DNAH1: variants seen among roughly 807,000 people sequenced by gnomAD.
DNAH1 encodes the protein dynein axonemal heavy chain 1.
DNAH1 carries 327 observed loss-of-function variants against 484.3 expected under a neutral mutation model. The ratio of observed to expected loss-of-function variants is 0.68; its 90% CI spans 0.62 to 0.74. The LOEUF is 0.74. Among genes scored for constraint, DNAH1 ranks in the 30% least tolerant of loss-of-function variants. The pLI, the probability that DNAH1 is intolerant of heterozygous loss-of-function variation, is 0.00. For synonymous variants in DNAH1, 2,192 were observed against 2,191.9 expected (o/e 1.00, Z 0.00); for missense variants, 5,052 against 5,546.8 (o/e 0.91, Z 2.83).
In DNAH1 at chr3:52,397,750, C is replaced by T; in HGVS notation, c.11831C>T (p.Pro3944Leu). 1 of 1,613,640 alleles carries T rather than the reference C, an allele frequency of 6.2e-7. No individual in the cohort carries two copies. The highest frequency in any genetic ancestry group is 8.5e-7 in the Non-Finnish European group (1 of 1,179,642). Reference protein sequence around the residue: ...YIKSLPLNDMPEIFGLHDNAN... With the variant: ...YIKSLPLNDMLEIFGLHDNAN... ...AAGAGCCTCCCACTCAATGATATGC[C>T]TGAGATCTTTGGCCTGCATGACAAT... Residue 3944 changes from proline to leucine, a missense_variant, in exon 74 of 78, where the codon CCT becomes CTT. By Grantham distance (98) the Pro-to-Leu change is moderately conservative. Transcript: ENST00000420323.
chr3:52,347,786 TA>T (rs1559510273), intron 11 of DNAH1, 37 bp from the exon 12 acceptor site: 5 of 1,530,122 alleles, frequency 3.3e-6, no homozygotes, highest in South Asian at 1.3e-5. Flanking sequence ...ACAGGCCTCC[TA>T]GGCCTCTGCC....
chr3:52,357,765 C>G, intron 23 of DNAH1, 30 bp downstream of exon 23: 1 of 1,572,122 alleles, frequency 6.4e-7, no homozygotes, highest in Non-Finnish European at 8.6e-7. Flanking sequence ...GCCCACTCCG[C>G]CACTGTCTGC....
In DNAH1 at chr3:52,381,547, C is replaced by G; in HGVS notation, c.7609-93C>G. 7.9e-7 allele frequency: 1 copy of G among 1,262,634 alleles called. No homozygotes were observed. The highest frequency in any genetic ancestry group is 1.1e-6 in the Non-Finnish European group (1 of 916,196). The allele number at this position is 1,262,634 out of a possible 1,614,324, so 78.2% of individuals were successfully genotyped here. On this transcript the variant is annotated intron_variant, in intron 48 of 77. Coordinates refer to ENST00000420323, the MANE Select transcript of DNAH1 (RefSeq NM_015512.5). The surrounding 1 kb of genome is among the most constrained non-coding windows in gnomAD (Gnocchi z 4.1). ...GGTCAAGGCACCTGTGCTTCTCAGT[C>G]AGGACAGAGAAGAAAGCGGGTGGGT...
In DNAH1 at chr3:52,352,658, C is replaced by T. The variant is rs772634065; in HGVS notation, c.2978C>T (p.Ala993Val). The T allele has an allele frequency of 6.2e-7, 1 of 1,613,216 alleles. No homozygotes were observed. The highest frequency in any genetic ancestry group is 1.1e-5 in the South Asian group (1 of 91,036). The stretch of plus-strand genomic sequence containing the variant: ...CAGCTGAAGGACTGCCAGCAGCTGG[C>T]CATGCTCTACAACAACCGCGAGCGC... Reference protein sequence around the residue: ...KKQLKDCQQLAMLYNNRERIF... With the variant: ...KKQLKDCQQLVMLYNNRERIF... The change falls in exon 18 of 78, where the codon GCC becomes GTC. Residue 993 changes from alanine to valine, a missense_variant. Coordinates refer to ENST00000420323, the MANE Select transcript of DNAH1 (RefSeq NM_015512.5).
chr3:52,377,550 C>T (rs553139832), intron 46 of DNAH1, among the ~76,000 whole-genome samples: 26 of 152,092 alleles, frequency 1.7e-4, no homozygotes, highest in Non-Finnish European at 3.1e-4. Flanking sequence ...GGCAAGAGCC[C>T]GGGTCTTGAC....
intron 1 of DNAH1, among the ~76,000 whole-genome samples, chr3:52,321,104 C>CTTTCTTT (rs1158135103): frequency 1.4e-5 from 2 of 146,142 alleles, no homozygotes. Context: ...CTGGCCATTT[C>CTTTCTTT]TTTCTTTTTT....
At chr3:52,373,785 A>G (rs1578166159) in intron 44 of DNAH1, 2 of 1,420,730 alleles carry the variant, frequency 1.4e-6, no homozygotes, top group East Asian at 2.3e-5. Flanking sequence ...TTTAAGTGAA[A>G]TGGTAGAATA....
chr3:52,323,241 A>C (rs1158390491), intron 2 of DNAH1, among the ~76,000 whole-genome samples: 2 of 151,834 alleles, frequency 1.3e-5, no homozygotes, highest in Non-Finnish European at 2.9e-5. Context: ...AGGTACAAAG[A>C]CCTGGGGTCC....
In DNAH1 at chr3:52,392,579, A is replaced by G. The variant is rs1221373548; in HGVS notation, c.10168A>G (p.Ile3390Val). Residue 3390 changes from isoleucine to valine, a missense_variant, in exon 64 of 78, where the codon ATT (isoleucine) becomes GTT (valine). Physicochemically the swap from Ile to Val is conservative, Grantham distance 29. Transcript: ENST00000420323. ...CAAGATGCGCCAGGAGCTGAAGGAC[A>G]TTGAGGACCAGATCCTGTACCGGCT... Reference protein sequence around the residue: ...NAKMRQELKDIEDQILYRLSS... With the variant: ...NAKMRQELKDVEDQILYRLSS... The G allele has an allele frequency of 6.2e-7, 1 of 1,613,988 alleles. No homozygotes were observed. Among genetic ancestry groups the G allele is most frequent in the Admixed American group, 1.7e-5 (1 of 60,032 alleles).
In DNAH1 at chr3:52,395,802, C is replaced by T. The variant is rs1057414833; in HGVS notation, c.11259+124C>T. On this transcript the variant is annotated intron_variant, in intron 70 of 77. Coordinates refer to ENST00000420323, the MANE Select transcript of DNAH1 (RefSeq NM_015512.5). The surrounding 1 kb of genome is among the most constrained non-coding windows in gnomAD (Gnocchi z 4.4). ...CAGCCTCTAGCACGTGGCAAGTGCT[C>T]AGCAACTGACATGTGCCACACATCG... The T allele has an allele frequency of 3.0e-6, 4 of 1,328,638 alleles. No homozygotes were observed. The highest frequency in any genetic ancestry group is 4.4e-5 in the Admixed American group (2 of 45,282). The allele number at this position is 1,328,638 out of a possible 1,614,324, so 82.3% of individuals were successfully genotyped here.
chr3:52,393,055 G>A (rs1381464845), intron 65 of DNAH1, 30 bp downstream of exon 65: 1 of 1,606,378 alleles, frequency 6.2e-7, no homozygotes, highest in East Asian at 2.2e-5. Flanking sequence ...CTCCTACCCT[G>A]CACAGATATG....
In DNAH1 at chr3:52,346,467, T is replaced by C. The variant is rs1431813923; in HGVS notation, c.1657-5T>C. On this transcript the variant is annotated splice_region_variant and splice_polypyrimidine_tract_variant and intron_variant, in intron 10 of 77. Coordinates refer to ENST00000420323, the MANE Select transcript of DNAH1 (RefSeq NM_015512.5). Reference sequence around the variant, plus strand: ...GCCATATGATGATGCCTGTGGCCACTCTAGGTGCAGATGTTCCTCAAGGAC... The same window carrying C: ...GCCATATGATGATGCCTGTGGCCACCCTAGGTGCAGATGTTCCTCAAGGAC... 3.1e-6 allele frequency: 5 copies of C among 1,605,732 alleles called. No homozygotes were observed. Among genetic ancestry groups the C allele is most frequent in the East Asian group, 2.2e-5 (1 of 44,594 alleles).
intron 44 of DNAH1, chr3:52,375,009 A>G (rs1172039787): frequency 3.3e-6 from 2 of 598,438 alleles, no homozygotes; most frequent in East Asian, 3.1e-5. Context: ...TGTATATGAA[A>G]ATGTCTGCAA....
intron 76 of DNAH1, 108 bp downstream of exon 76, chr3:52,399,309 G>GCATGGAA (rs1169663732): frequency 1.6e-6 from 2 of 1,233,322 alleles, no homozygotes; most frequent in Non-Finnish European, 2.3e-6. Flanking sequence ...CTAAGCCAGG[G>GCATGGAA]CATGGAAAGA....
intron 59 of DNAH1, 40 bp downstream of exon 59, chr3:52,388,977 T>G (rs1704246054): frequency 1.3e-6 from 2 of 1,544,786 alleles, no homozygotes; most frequent in Non-Finnish European, 1.7e-6. Context: ...AGCCTCGCCT[T>G]CCCAAAGAGA....
upstream of DNAH1, among the ~76,000 whole-genome samples, chr3:52,312,190 G>A (rs570296969): frequency 6.6e-6 from 1 of 152,210 alleles, no homozygotes; most frequent in Non-Finnish European, 1.5e-5. Flanking sequence ...CTTTGCTCCA[G>A]GACCTCAGTC....
intron 45 of DNAH1, 45 bp from the exon 46 acceptor site, chr3:52,375,910 G>C: frequency 6.2e-7 from 1 of 1,607,164 alleles, no homozygotes; most frequent in East Asian, 2.2e-5. Context: ...AGCAGCAAGA[G>C]GTCCACCTAA....
At chr3:52,385,285 G>T in intron 53 of DNAH1, 52 bp from the exon 54 acceptor site, 2 of 1,522,068 alleles carry the variant, frequency 1.3e-6, no homozygotes, top group Non-Finnish European at 1.8e-6. Context: ...CAGGCCCTGT[G>T]CTCTCTCTGT....
chr3:52,371,467 G>T (rs1411715111), intron 41 of DNAH1, among the ~76,000 whole-genome samples: 3 of 152,392 alleles, frequency 2.0e-5, no homozygotes, highest in Admixed American at 6.5e-5. Flanking sequence ...CAGGGCTGCT[G>T]TGAGTGAAGG....
Sources: gnomAD v4.1 joint callset for allele counts (sites outside exome capture counted in the v4.1 genomes callset) on GRCh38, gnomAD v4.1.1 for gene constraint, Gnocchi (gnomAD v3.1) non-coding constraint, MANE v1.5 for transcripts, NCBI Gene and HGNC (gene_info 2026-07-23, HGNC 2026-07-21) for gene names.